The following TCN2 variants were observed in gnomAD, a reference collection of about 807,000 sequenced individuals.
TCN2 encodes transcobalamin-2.
A neutral mutation model predicts 48.6 loss-of-function variants in TCN2; 34 were observed. The ratio of observed to expected loss-of-function variants is 0.70; its 90% CI spans 0.53 to 0.93. The LOEUF (loss-of-function observed/expected upper bound fraction) is 0.93. Among genes scored for constraint, TCN2 ranks in the 40% least tolerant of loss-of-function variants. The probability of loss-of-function intolerance (pLI) is 0.00; values close to 1 mark genes in which losing one functional copy is unlikely to be tolerated. For synonymous variants in TCN2, 283 were observed against 212.5 expected, an observed-to-expected ratio of 1.33 and a Z score of -2.89; for missense variants, 652 against 526.1, an observed-to-expected ratio of 1.24 and a Z score of -2.34.
intron 3 of TCN2, 70 bp from the exon 4 acceptor site, chr22:30,614,279 C>G: frequency 6.3e-7 from 1 of 1,592,790 alleles, no homozygotes; most frequent in Non-Finnish European, 8.6e-7. Flanking sequence ...AGGCCAGGGT[C>G]CCAGGTGCTG....
chr22:30,611,298 A>T (rs891904222), intron 2 of TCN2, among the ~76,000 whole-genome samples: 1 of 152,254 alleles, frequency 6.6e-6, no homozygotes, highest in Non-Finnish European at 1.5e-5. Flanking sequence ...TGAGGCAGAC[A>T]TAACTAATCC....
At chr22:30,625,383 G>C (rs1422987230) in intron 8 of TCN2, among the ~76,000 whole-genome samples, 1 of 142,024 alleles carries the variant, frequency 7.0e-6, no homozygotes, top group Non-Finnish European at 1.5e-5. Flanking sequence ...GCAACTTTCT[G>C]GGGCCTTGTT....
Position 30,617,166 on chromosome 22 carries a change from C to T in TCN2, c.941-164C>T, listed in dbSNP as rs143520606. Among the ~76,000 whole-genome samples the T allele has an allele frequency of 0.013, 1,994 of 151,564 alleles. 24 individuals carry two copies. Among genetic ancestry groups the T allele is most frequent in the Non-Finnish European group, 0.02 (1,343 of 67,892 alleles). Reference sequence around the variant, plus strand: ...GTGGGGAATGAGGGACAGGGGAGGCCGGGATGGAAGCCAGGTTTCAGCTGA... The same window carrying T: ...GTGGGGAATGAGGGACAGGGGAGGCTGGGATGGAAGCCAGGTTTCAGCTGA... On this transcript the variant is annotated intron_variant, in intron 6 of 8. Coordinates refer to ENST00000215838, the MANE Select transcript of TCN2 (RefSeq NM_000355.4).
chr22:30,618,628 G>T (rs901883850), intron 7 of TCN2, among the ~76,000 whole-genome samples: 2 of 152,264 alleles, frequency 1.3e-5, no homozygotes, highest in East Asian at 3.9e-4. Flanking sequence ...TGGGATTACA[G>T]GCATGGGCCT....
intron 6 of TCN2, among the ~76,000 whole-genome samples, chr22:30,616,397 A>C (rs2087613164): frequency 6.6e-6 from 1 of 151,784 alleles, no homozygotes; most frequent in East Asian, 1.9e-4. Flanking sequence ...CTGAGGCAAG[A>C]GAATCACTTG....
Position 30,615,662 on chromosome 22 carries a change from T to G in TCN2, c.815T>G (p.Val272Gly), listed in dbSNP as rs1325716749. ...ELGTACLKAR[V>G]ALLASLQDGA... Reference sequence around the variant, plus strand: ...GGAACAGCATGTCTCAAGGCGAGGGTTGCTTTGCTGGCCAGTCTGCAGGAT... The same window carrying G: ...GGAACAGCATGTCTCAAGGCGAGGGGTGCTTTGCTGGCCAGTCTGCAGGAT... The change falls in exon 6 of 9, where the codon GTT becomes GGT. Residue 272 changes from valine to glycine, a missense_variant. Physicochemically the swap from Val to Gly is moderately radical, Grantham distance 109. Coordinates refer to ENST00000215838, the MANE Select transcript of TCN2 (RefSeq NM_000355.4). 6.2e-7 allele frequency: 1 copy of G among 1,614,190 alleles called. No individual in the cohort carries two copies. Among genetic ancestry groups the G allele is most frequent in the Admixed American group, 1.7e-5 (1 of 60,006 alleles).
intron 1 of TCN2, 130 bp downstream of exon 1, chr22:30,607,525 C>A: frequency 1.2e-6 from 1 of 819,590 alleles, no homozygotes; most frequent in Non-Finnish European, 2.0e-6. Context: ...TGGACCTCAG[C>A]ATTTAACACA....
intron 7 of TCN2, among the ~76,000 whole-genome samples, chr22:30,622,349 C>A (rs2087711203): frequency 6.6e-6 from 1 of 152,182 alleles, no homozygotes; most frequent in Non-Finnish European, 1.5e-5. Flanking sequence ...TGCAGAAACT[C>A]AAAGTTGAAG....
rs1164395664 is a variant in TCN2, at chr22:30,615,547, C to T, written c.754-54C>T. The T allele has an allele frequency of 1.1e-5, 18 of 1,613,740 alleles. No homozygotes were observed. The Admixed American group carries it at 2.0e-4, about 18-fold the overall frequency. On this transcript the variant is annotated intron_variant, in intron 5 of 8. Transcript: ENST00000215838. ...GTGGAGTGGTCAGGTGCTGGAACAC[C>T]TAGCCCCTCCCTGCCGGCTGACTTC... is the stretch of plus-strand genomic sequence containing the variant.
rs938845853 is a variant in TCN2 at position 30,611,015 on chromosome 22, A to T, written c.209A>T (p.Asp70Val). Reference sequence around the variant, plus strand: ...AGTCTGCAGGCTGGGACCAAGGAAGACCTCTACCTGCACAGCCTCAAGCTT... The same window carrying T: ...AGTCTGCAGGCTGGGACCAAGGAAGTCCTCTACCTGCACAGCCTCAAGCTT... ...LSSLQAGTKE[D>V]LYLHSLKLGY... The change falls in exon 2 of 9, where the codon GAC becomes GTC. Residue 70 changes from aspartate to valine, a missense_variant. By Grantham distance (152) the Asp-to-Val change is radical (BLOSUM62 -3). Coordinates refer to ENST00000215838, the MANE Select transcript of TCN2 (RefSeq NM_000355.4). 1 of 1,613,970 alleles carries T rather than the reference A, an allele frequency of 6.2e-7. No individual in the cohort carries two copies. The highest frequency in any genetic ancestry group is 1.1e-5 in the South Asian group (1 of 91,080).
At chr22:30,607,461 A>G (rs770723910) in intron 1 of TCN2, 66 bp downstream of exon 1, 4 of 1,582,984 alleles carry the variant, frequency 2.5e-6, no homozygotes, top group Non-Finnish European at 2.6e-6. Context: ...GCTAGGGCAT[A>G]GGATGAGGGA....
intron 8 of TCN2, among the ~76,000 whole-genome samples, chr22:30,625,578 TC>T (rs2087795259): frequency 2.0e-5 from 3 of 152,046 alleles, no homozygotes; most frequent in Admixed American, 2.0e-4. Flanking sequence ...TCCTCCCACC[TC>T]AGCCTCCTGA....
At position 30,612,903 on chromosome 22, in the gene TCN2, C is replaced by T; in HGVS notation, c.288C>T (p.Cys96=). The change falls in exon 3 of 9, where the codon TGC becomes TGT. Residue 96 remains cysteine, a synonymous_variant. Coordinates refer to ENST00000215838, the MANE Select transcript of TCN2 (RefSeq NM_000355.4). ...CCTTCAGCGAGGATGACGGTGACTG[C>T]CAGGGCAAGCCTTCCATGGGCCAGC... ...GSAFSEDDGD[C]QGKPSMGQLA... 6.2e-7 allele frequency: 1 copy of T among 1,614,078 alleles called. No homozygotes were observed. The highest frequency in any genetic ancestry group is 8.5e-7 in the Non-Finnish European group (1 of 1,180,046).
At chr22:30,610,038 G>A (rs145130157) in intron 1 of TCN2, among the ~76,000 whole-genome samples, 4 of 152,282 alleles carry the variant, frequency 2.6e-5, no homozygotes, top group African/African-American at 7.2e-5. Context: ...GGTTACCTCC[G>A]AGGCAAACTA....
chr22:30,623,731 TATAC>T (rs1309455996), intron 8 of TCN2, among the ~76,000 whole-genome samples: 1 of 111,458 alleles, frequency 9.0e-6, no homozygotes, highest in Admixed American at 9.9e-5. Context: ...CATATATATG[TATAC>T]ATATATATAC....
Position 30,615,369 on chromosome 22 carries a change from C to T in TCN2, c.649C>T (p.Gln217Ter). Residue 217 changes from glutamine to a stop codon, truncating the protein, a stop_gained, in exon 5 of 9, where the codon CAA (glutamine) becomes TAA (stop). Coordinates refer to ENST00000215838, the MANE Select transcript of TCN2 (RefSeq NM_000355.4). LOFTEE classifies it high-confidence loss of function. ...CTCAAACTTCAACCCTGGTCGGAGA[C>T]AACGGATCACCATGGCCATCAGAAC... ...KRSNFNPGRR[Q>*]RITMAIRTVR... The T allele has an allele frequency of 6.2e-7, 1 of 1,614,204 alleles. No homozygotes were observed. The highest frequency in any genetic ancestry group is 8.5e-7 in the Non-Finnish European group (1 of 1,180,054).
chr22:30,623,123 C>T (rs759198270), intron 8 of TCN2, 40 bp downstream of exon 8: 2 of 1,604,138 alleles, frequency 1.2e-6, no homozygotes, highest in East Asian at 2.2e-5. Context: ...TCCCCTACCC[C>T]AAGCTTACTC....
chr22:30,614,332 G>GT lies in TCN2; in HGVS notation c.428-10dup, dbSNP rs747673857. 22 of 1,613,650 alleles carry GT rather than the reference G, an allele frequency of 1.4e-5. No homozygotes were observed. The highest frequency in any genetic ancestry group is 1.6e-5 in the Non-Finnish European group (19 of 1,179,832). On this transcript the variant is annotated splice_polypyrimidine_tract_variant and intron_variant, in intron 3 of 8. Coordinates refer to ENST00000215838, the MANE Select transcript of TCN2 (RefSeq NM_000355.4). ...GTGGGGGCAGAGAGGCAACCCCTCT[G>GT]TTTTTTTCCCTCTCAGGGCATGATC...
At chr22:30,624,507 G>A (rs2087773751) in intron 8 of TCN2, among the ~76,000 whole-genome samples, 1 of 151,480 alleles carries the variant, frequency 6.6e-6, no homozygotes, top group South Asian at 2.1e-4. Context: ...AGAGAAGGTG[G>A]GACTTTCTGA....
Sources: allele counts gnomAD v4.1 joint callset (sites outside exome capture counted in the v4.1 genomes callset), GRCh38; gene constraint gnomAD v4.1.1; transcripts MANE v1.5; gene names NCBI Gene and HGNC (gene_info 2026-07-23, HGNC 2026-07-21).